MAPK8: variants seen among roughly 807,000 people sequenced by gnomAD.
MAPK8 encodes the protein JUN N-terminal kinase.
Under a neutral mutation model 52.9 loss-of-function variants are expected in MAPK8, and 13 were observed. The ratio of observed to expected loss-of-function variants is 0.25; its 90% CI spans 0.16 to 0.39. The LOEUF (loss-of-function observed/expected upper bound fraction) is 0.39. Among genes scored for constraint, MAPK8 ranks in the 10% least tolerant of loss-of-function variants. The pLI is 1.00. For synonymous variants in MAPK8, 191 were observed against 169.8 expected (o/e 1.12, Z -0.97); for missense variants, 300 against 519.2 (o/e 0.58, Z 4.10).
chr10:48,365,366 A>G (rs1353279267), intron 1 of MAPK8, among the ~76,000 whole-genome samples: 1 of 152,214 alleles, frequency 6.6e-6, no homozygotes, highest in Non-Finnish European at 1.5e-5. Flanking sequence ...CACAACTATT[A>G]AAACAAAAAT....
chr10:48,326,287 A>G (rs970402032), intron 1 of MAPK8, among the ~76,000 whole-genome samples: 2 of 152,212 alleles, frequency 1.3e-5, no homozygotes, highest in South Asian at 4.1e-4. Context: ...TTATAGTCCA[A>G]TACTATTAAT....
chr10:48,381,997 C>G lies in MAPK8; in HGVS notation c.-49-19615C>G, dbSNP rs570412218. The stretch of plus-strand genomic sequence containing the variant: ...CCATAATGGAGCCCAGGACAGAGGA[C>G]AGAACTGTGAAGATAATGTCTGACT... On this transcript the variant is annotated intron_variant, in intron 1 of 11. Transcript: ENST00000374189. Among the ~76,000 whole-genome samples the G allele has an allele frequency of 2.6e-5, 4 of 152,258 alleles. No homozygotes were observed. In the East Asian group the frequency reaches 5.8e-4, roughly 22 times the overall value.
intron 6 of MAPK8, among the ~76,000 whole-genome samples, chr10:48,422,902 A>G (rs1456168998): frequency 1.3e-5 from 2 of 152,186 alleles, no homozygotes; most frequent in East Asian, 1.9e-4. Flanking sequence ...TGTATTAGAA[A>G]GTACAGGCTT....
In MAPK8 at chr10:48,425,274, G is replaced by A. The variant is rs186179930; in HGVS notation, c.689-614G>A. ...CTGGAGTGTAAAGACTAGAGGAAAG[G>A]AGACCAAGAAATCCTAACCTTACAA... is the stretch of plus-strand genomic sequence containing the variant. On this transcript the variant is annotated intron_variant, in intron 7 of 11. Transcript: ENST00000374189. The A allele has an allele frequency of 3.8e-3, 2,650 of 700,988 alleles. 7 individuals are homozygous for A. The highest frequency in any genetic ancestry group is 5.6e-3 in the Non-Finnish European group (2,115 of 379,994). 43.4% of individuals were successfully genotyped at this position (700,988 alleles called of 1,614,324 possible). A position where few individuals can be genotyped will look rare whatever the true frequency, so the allele number is the denominator to read the frequency against.
At chr10:48,388,676 A>G (rs1045543677) in intron 1 of MAPK8, among the ~76,000 whole-genome samples, 2 of 152,292 alleles carry the variant, frequency 1.3e-5, no homozygotes, top group African/African-American at 4.8e-5. Context: ...TGAGATTACA[A>G]AATAATTTCT....
rs143863418 is a variant in MAPK8, at chr10:48,419,569, AACAG to A, written c.451-580_451-577del. Among the ~76,000 whole-genome samples, 351 of 152,346 alleles carry A rather than the reference AACAG, an allele frequency of 2.3e-3. 1 individual carries two copies. The highest frequency in any genetic ancestry group is 8.0e-3 in the African/African-American group (334 of 41,580). On this transcript the variant is annotated intron_variant, in intron 5 of 11. Transcript: ENST00000374189. ...AAGGCAATGGTGTCCTACTTCTACA[AACAG>A]ACAGAAATTTTATAGCAAATTTGTG...
intron 1 of MAPK8, among the ~76,000 whole-genome samples, chr10:48,339,388 G>A (rs1348142395): frequency 6.6e-6 from 1 of 152,134 alleles, no homozygotes; most frequent in African/African-American, 2.4e-5. Flanking sequence ...GCCATATGTA[G>A]AAGAATGAAA....
At chr10:48,355,922 G>A (rs747361409) in intron 1 of MAPK8, among the ~76,000 whole-genome samples, 3 of 152,124 alleles carry the variant, frequency 2.0e-5, no homozygotes, top group Non-Finnish European at 2.9e-5. Flanking sequence ...GAAGACAGGG[G>A]AACATTTTCT....
At chr10:48,362,361 C>G (rs17010407) in intron 1 of MAPK8, among the ~76,000 whole-genome samples, 6,656 of 152,050 alleles carry the variant, frequency 0.044, 168 homozygotes, top group African/African-American at 0.066. Flanking sequence ...TTTTCTGACC[C>G]TTGTTTCTGC....
intron 1 of MAPK8, among the ~76,000 whole-genome samples, chr10:48,378,783 TTAGTAACA>T (rs1228562697): frequency 2.0e-5 from 3 of 152,014 alleles, no homozygotes; most frequent in Admixed American, 2.0e-4. Flanking sequence ...AATTTTTTCT[TTAGTAACA>T]ATCTCACTCT....
At chr10:48,326,588 C>G (rs1012477798) in intron 1 of MAPK8, among the ~76,000 whole-genome samples, 1 of 151,932 alleles carries the variant, frequency 6.6e-6, no homozygotes, top group African/African-American at 2.4e-5. Context: ...GCAGATAGAG[C>G]AAATAAATAT....
chr10:48,378,992 A>G (rs937856511), intron 1 of MAPK8, among the ~76,000 whole-genome samples: 1 of 152,204 alleles, frequency 6.6e-6, no homozygotes, highest in Non-Finnish European at 1.5e-5. Context: ...TAGAGTTATT[A>G]TACTTGGCCT....
At chr10:48,384,732 A>G (rs1301386129) in intron 1 of MAPK8, among the ~76,000 whole-genome samples, 3 of 152,232 alleles carry the variant, frequency 2.0e-5, no homozygotes, top group South Asian at 2.1e-4. Context: ...CTTTTGTCCA[A>G]TAATTTATCT....
intron 5 of MAPK8, among the ~76,000 whole-genome samples, chr10:48,414,691 T>G (rs1212119642): frequency 6.6e-6 from 1 of 150,852 alleles, no homozygotes; most frequent in Non-Finnish European, 1.5e-5. Flanking sequence ...TCATCCCACT[T>G]CAGCCTCCCA....
At chr10:48,424,429 C>T (rs1254490515) in intron 7 of MAPK8, 4 of 847,788 alleles carry the variant, frequency 4.7e-6, no homozygotes, top group Non-Finnish European at 7.4e-6. Flanking sequence ...TTAAAGTATA[C>T]ATGGTGTGTG....
intron 5 of MAPK8, among the ~76,000 whole-genome samples, chr10:48,413,508 G>A (rs1409156726): frequency 2.0e-5 from 3 of 151,728 alleles, no homozygotes; most frequent in Admixed American, 6.6e-5. Flanking sequence ...TTTTTAAGTT[G>A]CCATTTTCTT....
In MAPK8 at chr10:48,435,323, T is replaced by C. The variant is rs972905893; in HGVS notation, c.*294T>C. ...TTTTTTGCATATTTGCTTTATCTTA[T>C]GCTGCTGATTTTTTTAACTGAATTT... On this transcript the variant is annotated 3_prime_UTR_variant, in exon 12 of 12. Transcript: ENST00000374189. 3.0e-5 allele frequency: 8 copies of C among 267,584 alleles called. No homozygotes were observed. The highest frequency in any genetic ancestry group is 4.9e-5 in the Non-Finnish European group (7 of 144,152). The allele number at this position is 267,584 out of a possible 1,614,324, so 16.6% of individuals were successfully genotyped here. A position where few individuals can be genotyped will look rare whatever the true frequency, so the allele number is the denominator to read the frequency against.
intron 1 of MAPK8, among the ~76,000 whole-genome samples, chr10:48,337,457 AG>A (rs1438679703): frequency 1.3e-5 from 2 of 152,174 alleles, no homozygotes; most frequent in Non-Finnish European, 2.9e-5. Context: ...ATAGCAAAAT[AG>A]AGTTAAGAGG....
intron 2 of MAPK8, among the ~76,000 whole-genome samples, chr10:48,403,861 G>A (rs910767662): frequency 4.6e-5 from 7 of 151,030 alleles, no homozygotes; most frequent in Admixed American, 2.6e-4. Flanking sequence ...CCATTCTCCC[G>A]CCTCAGCCTC....
Sources: gnomAD v4.1 joint callset for allele counts (sites outside exome capture counted in the v4.1 genomes callset) on GRCh38, gnomAD v4.1.1 for gene constraint, MANE v1.5 for transcripts, NCBI Gene and HGNC (gene_info 2026-07-23, HGNC 2026-07-21) for gene names.